Variants in DCUN1D3 observed in about 807,000 individuals in gnomAD.
The protein encoded by DCUN1D3 is defective in cullin neddylation 1 domain containing 3, also known as DCN1-like protein 3.
DCUN1D3 carries 6 observed loss-of-function variants against 24.8 expected under a neutral mutation model. That is an observed-to-expected ratio of 0.24 (90% confidence interval 0.13 to 0.48). The LOEUF (loss-of-function observed/expected upper bound fraction) is 0.48, where lower values mean the gene tolerates loss of function less well. DCUN1D3 is among the 20% of genes least tolerant of loss of function. The probability of loss-of-function intolerance (pLI) is 0.99; values close to 1 mark genes in which losing one functional copy is unlikely to be tolerated. For missense variants in DCUN1D3, 258 were observed against 379.4 expected (o/e 0.68, Z 2.66); for synonymous variants, 120 against 144.9 (o/e 0.83, Z 1.24).
intron 1 of DCUN1D3, among the ~76,000 whole-genome samples, chr16:20,877,916 C>T (rs2152517611): frequency 6.6e-6 from 1 of 152,344 alleles, no homozygotes; most frequent in South Asian, 2.1e-4. Flanking sequence ...CCACCTTAGC[C>T]TCCCAAAGCA....
In DCUN1D3 at chr16:20,855,487, G is replaced by A. The variant is rs1169795447; in HGVS notation, c.*4399C>T. 1 of 152,220 alleles carries A rather than the reference G, an allele frequency of 6.6e-6. No homozygotes were observed. Among genetic ancestry groups the A allele is most frequent in the Non-Finnish European group, 1.5e-5 (1 of 68,056 alleles). 9.4% of individuals were successfully genotyped at this position (152,220 alleles called of 1,614,324 possible). A position where few individuals can be genotyped will look rare whatever the true frequency, so the allele number is the denominator to read the frequency against. On this transcript the variant is annotated 3_prime_UTR_variant, in exon 3 of 3. Coordinates refer to ENST00000324344, the MANE Select transcript of DCUN1D3 (RefSeq NM_173475.4). Reference sequence around the variant, plus strand: ...GGAGGTTGGATGGGTGGCGGAAGTAGGTATTTATGAGATAGGCTGGGTTTC... The same window carrying A: ...GGAGGTTGGATGGGTGGCGGAAGTAAGTATTTATGAGATAGGCTGGGTTTC...
At position 20,856,952 on chromosome 16, in the gene DCUN1D3, G is replaced by A. The variant is rs2081705549; in HGVS notation, c.*2934C>T. 1 of 152,180 alleles carries A rather than the reference G, an allele frequency of 6.6e-6. No homozygotes were observed. The highest frequency in any genetic ancestry group is 1.5e-5 in the Non-Finnish European group (1 of 68,030). 9.4% of individuals were successfully genotyped at this position (152,180 alleles called of 1,614,324 possible). ...CATCACCCTGATGTTCTGTTGCTAA[G>A]CAAGGAGTGTACTGGCTTATCTGAG... On this transcript the variant is annotated 3_prime_UTR_variant, in exon 3 of 3. Coordinates refer to ENST00000324344, the MANE Select transcript of DCUN1D3 (RefSeq NM_173475.4).
At chr16:20,872,474 A>T (rs1201599650) in intron 1 of DCUN1D3, among the ~76,000 whole-genome samples, 1 of 123,092 alleles carries the variant, frequency 8.1e-6, no homozygotes, top group Non-Finnish European at 1.8e-5. Flanking sequence ...GCTAATTCTT[A>T]AAAAAAAAAA....
At chr16:20,876,509 G>A (rs899007261) in intron 1 of DCUN1D3, among the ~76,000 whole-genome samples, 7 of 151,208 alleles carry the variant, frequency 4.6e-5, no homozygotes, top group African/African-American at 1.7e-4. Context: ...TGGTGGAAAT[G>A]TTAATGAGTA....
At chr16:20,880,090 G>A (rs2081835357) in intron 1 of DCUN1D3, among the ~76,000 whole-genome samples, 1 of 152,154 alleles carries the variant, frequency 6.6e-6, no homozygotes, top group South Asian at 2.1e-4. Flanking sequence ...TGCCTAAGAT[G>A]ACATTTTATT....
At chr16:20,891,824 A>G (rs914412729) in intron 1 of DCUN1D3, among the ~76,000 whole-genome samples, 2 of 152,248 alleles carry the variant, frequency 1.3e-5, no homozygotes, top group Non-Finnish European at 2.9e-5. Context: ...GGCCAGGGCC[A>G]GTACACTGCC....
intron 1 of DCUN1D3, among the ~76,000 whole-genome samples, chr16:20,881,343 G>A (rs2081842506): frequency 6.6e-6 from 1 of 152,150 alleles, no homozygotes; most frequent in Non-Finnish European, 1.5e-5. Context: ...GGAATTTGAG[G>A]TTACAATGAC....
intron 1 of DCUN1D3, among the ~76,000 whole-genome samples, chr16:20,883,432 G>A (rs1350596603): frequency 1.3e-5 from 2 of 152,122 alleles, no homozygotes; most frequent in African/African-American, 4.8e-5. Context: ...AGAATGGCAT[G>A]AACCTGAGAG....
At chr16:20,868,667 C>T (rs2081774196) in intron 1 of DCUN1D3, among the ~76,000 whole-genome samples, 1 of 152,230 alleles carries the variant, frequency 6.6e-6, no homozygotes, top group East Asian at 1.9e-4. Context: ...TAGAACAGTG[C>T]TCTTTTCAGG....
rs1475700143 is a variant in DCUN1D3, at chr16:20,855,487, GGTAT to G, written c.*4395_*4398del. The G allele has an allele frequency of 6.6e-6, 1 of 152,220 alleles. No individual in the cohort carries two copies. Among genetic ancestry groups the G allele is most frequent in the Admixed American group, 6.6e-5 (1 of 15,266 alleles). The allele number at this position is 152,220 out of a possible 1,614,324, so 9.4% of individuals were successfully genotyped here. ...GGAGGTTGGATGGGTGGCGGAAGTA[GGTAT>G]TTATGAGATAGGCTGGGTTTCCAAG... is the stretch of plus-strand genomic sequence containing the variant. On this transcript the variant is annotated 3_prime_UTR_variant, in exon 3 of 3. Transcript: ENST00000324344.
intron 1 of DCUN1D3, among the ~76,000 whole-genome samples, chr16:20,878,022 G>C (rs535685066): frequency 1.3e-5 from 2 of 152,030 alleles, no homozygotes; most frequent in Non-Finnish European, 2.9e-5. Flanking sequence ...GGCTGGTCTC[G>C]AACTCCTGGG....
At chr16:20,875,218 AC>A (rs2081808422) in intron 1 of DCUN1D3, among the ~76,000 whole-genome samples, 1 of 123,778 alleles carries the variant, frequency 8.1e-6, no homozygotes. Context: ...ATGCACACAC[AC>A]ACACACACAC....
chr16:20,883,426 T>C (rs1025076707), intron 1 of DCUN1D3, among the ~76,000 whole-genome samples: 2 of 152,020 alleles, frequency 1.3e-5, no homozygotes, highest in East Asian at 3.9e-4. Context: ...GGCAGGAGAA[T>C]GGCATGAACC....
chr16:20,871,636 C>T (rs1024324922), intron 1 of DCUN1D3, among the ~76,000 whole-genome samples: 1 of 152,176 alleles, frequency 6.6e-6, no homozygotes, highest in African/African-American at 2.4e-5. Flanking sequence ...AGCCAACACA[C>T]GCACATACTA....
intron 1 of DCUN1D3, among the ~76,000 whole-genome samples, chr16:20,889,173 T>G (rs1056166360): frequency 2.1e-5 from 3 of 142,874 alleles, no homozygotes; most frequent in African/African-American, 7.9e-5. Flanking sequence ...TGCAGTGAGC[T>G]GAGATCGCAC....
In DCUN1D3 at chr16:20,879,761, A is replaced by T. The variant is rs115350330; in HGVS notation, c.-105-17118T>A. Among the ~76,000 whole-genome samples, 1,245 of 152,322 alleles carry T rather than the reference A, an allele frequency of 8.2e-3. 27 individuals carry two copies. The highest frequency in any genetic ancestry group is 0.028 in the African/African-American group (1,177 of 41,564). ...CCCCAAAGGATTTCTGGGTATCATA[A>T]ATTATATAACAAATCCACTTCTGCC... On this transcript the variant is annotated intron_variant, in intron 1 of 2. Transcript: ENST00000324344.
chr16:20,891,208 A>C (rs2081890837), intron 1 of DCUN1D3, among the ~76,000 whole-genome samples: 1 of 151,842 alleles, frequency 6.6e-6, no homozygotes. Context: ...TGGCCAGGCT[A>C]GTCTTGAACT....
intron 1 of DCUN1D3, among the ~76,000 whole-genome samples, chr16:20,884,181 G>A (rs2081858295): frequency 6.6e-6 from 1 of 152,228 alleles, no homozygotes; most frequent in South Asian, 2.1e-4. Context: ...TTCTTATGGA[G>A]ATTATACGAC....
rs571763963 is a variant in DCUN1D3 at position 20,862,883 on chromosome 16, T to G, written c.-105-240A>C. Among the ~76,000 whole-genome samples the G allele has an allele frequency of 2.6e-5, 4 of 152,212 alleles. No homozygotes were observed. In the East Asian group the frequency reaches 5.8e-4, roughly 22 times the overall value. ...AATTCCTAAAATTCTTAAGGTAACA[T>G]AGATTTCAAAGAGGCCGATTCATAT... On this transcript the variant is annotated intron_variant, in intron 1 of 2. Coordinates refer to ENST00000324344, the MANE Select transcript of DCUN1D3 (RefSeq NM_173475.4).
Sources: gnomAD v4.1 joint callset for allele counts (sites outside exome capture counted in the v4.1 genomes callset) on GRCh38, gnomAD v4.1.1 for gene constraint, MANE v1.5 for transcripts, NCBI Gene and HGNC (gene_info 2026-07-23, HGNC 2026-07-21) for gene names.